Variants in WDPCP observed in about 807,000 individuals in gnomAD.
WDPCP encodes WD repeat containing planar cell polarity effector.
A neutral mutation model predicts 93.1 loss-of-function variants in WDPCP; 71 were observed. The observed-to-expected ratio is 0.76, with a 90% CI of 0.63 to 0.93. The LOEUF (loss-of-function observed/expected upper bound fraction) is 0.93. Ranked by LOEUF, WDPCP falls within the 40% of genes least tolerant of loss-of-function variation. The pLI, the probability that WDPCP is intolerant of heterozygous loss-of-function variation, is 0.00. For missense variants in WDPCP, 844 were observed against 887.4 expected, an observed-to-expected ratio of 0.95 and a Z score of 0.62; for synonymous variants, 315 against 315.0, an observed-to-expected ratio of 1.00 and a Z score of 0.00.
intron 3 of WDPCP, among the ~76,000 whole-genome samples, chr2:63,595,742 T>A (rs1467560591): frequency 3.3e-5 from 5 of 152,064 alleles, no homozygotes; most frequent in African/African-American, 1.2e-4. Context: ...TTTTCCCCAA[T>A]GTGTGTGTGT....
intron 2 of WDPCP, among the ~76,000 whole-genome samples, chr2:63,687,479 C>T (rs1296633321): frequency 6.6e-6 from 1 of 151,982 alleles, no homozygotes; most frequent in African/African-American, 2.4e-5. Flanking sequence ...TCAAACAACT[C>T]AATAGGAAAA....
chr2:63,814,627 C>G (rs1670905621), intron 1 of WDPCP, among the ~76,000 whole-genome samples: 1 of 152,190 alleles, frequency 6.6e-6, no homozygotes, highest in African/African-American at 2.4e-5. Flanking sequence ...TGGAAGATAT[C>G]TTAGAAATCC....
chr2:63,605,864 G>C, intron 3 of WDPCP: 1 of 1,208,446 alleles, frequency 8.3e-7, no homozygotes, highest in Non-Finnish European at 1.2e-6. Context: ...AGGGTCACCT[G>C]GTTTAATTTT....
rs539918548 is a variant in WDPCP, at chr2:63,526,323, C to T, written c.76-33383G>A. 3.3e-5 allele frequency among the ~76,000 whole-genome samples: 5 copies of T among 152,150 alleles called. 1 individual carries two copies. Among genetic ancestry groups the T allele is most frequent in the African/African-American group, 7.2e-5 (3 of 41,528 alleles). ...CTCACAATTTTTGATGGCACTATTT[C>T]GTGTTGTCCAACACTATTATGGGTA... On this transcript the variant is annotated intron_variant, in intron 1 of 17. Coordinates refer to ENST00000272321, the MANE Select transcript of WDPCP (RefSeq NM_015910.7).
chr2:63,259,276 A>G (rs769488716), intron 14 of WDPCP, 31 bp downstream of exon 14: 85 of 1,549,978 alleles, frequency 5.5e-5, no homozygotes, highest in South Asian at 3.7e-4. Context: ...GATTAAAATA[A>G]AAAGCACTTA....
intron 2 of WDPCP, among the ~76,000 whole-genome samples, chr2:63,668,483 C>T (rs1348803): frequency 0.81 from 123,861 of 152,250 alleles, 50,972 homozygotes; most frequent in East Asian, 0.98. Context: ...CCAAAAGAAC[C>T]GTCTACCCCA....
At chr2:63,559,709 A>C (rs942287836) in intron 1 of WDPCP, among the ~76,000 whole-genome samples, 3 of 152,126 alleles carry the variant, frequency 2.0e-5, no homozygotes, top group African/African-American at 7.2e-5. Flanking sequence ...AGGAATATTT[A>C]ACATAATGGT....
chr2:63,210,875 G>T (rs1037314547), intron 14 of WDPCP, among the ~76,000 whole-genome samples: 1 of 152,216 alleles, frequency 6.6e-6, no homozygotes, highest in Non-Finnish European at 1.5e-5. Flanking sequence ...AGCAGTCTGA[G>T]ATCAAACTGC....
intron 17 of WDPCP, among the ~76,000 whole-genome samples, chr2:63,138,109 C>G (rs1392293506): frequency 8.5e-6 from 1 of 117,422 alleles, no homozygotes; most frequent in Non-Finnish European, 1.7e-5. Flanking sequence ...GTTTATTTAA[C>G]ACTCCTCTGT....
intron 2 of WDPCP, among the ~76,000 whole-genome samples, chr2:63,696,775 A>G (rs2103689429): frequency 6.6e-6 from 1 of 152,374 alleles, no homozygotes; most frequent in Middle Eastern, 3.4e-3. Context: ...TCAGTTTGGC[A>G]AGGACCACCA....
intron 17 of WDPCP, among the ~76,000 whole-genome samples, chr2:63,137,639 TC>T (rs199884636): frequency 0.011 from 1,746 of 152,330 alleles, 31 homozygotes; most frequent in African/African-American, 0.041. Flanking sequence ...CATGCCTGTG[TC>T]CTGAATGGTA....
intron 10 of WDPCP, among the ~76,000 whole-genome samples, chr2:63,400,343 A>T (rs556734726): frequency 6.6e-6 from 1 of 152,324 alleles, no homozygotes; most frequent in African/African-American, 2.4e-5. Context: ...ATCCTGGAAG[A>T]CAACTAGGCA....
At chr2:63,412,262 G>A (rs1020942249) in intron 9 of WDPCP, among the ~76,000 whole-genome samples, 5 of 152,072 alleles carry the variant, frequency 3.3e-5, no homozygotes, top group Non-Finnish European at 7.4e-5. Flanking sequence ...CACATAAACA[G>A]AATTAAAAAC....
chr2:63,257,001 T>C (rs763630288), intron 14 of WDPCP, among the ~76,000 whole-genome samples: 3 of 152,186 alleles, frequency 2.0e-5, no homozygotes, highest in Non-Finnish European at 4.4e-5. Flanking sequence ...TACAAGGATG[T>C]GTTCACTTTG....
At chr2:63,583,613 G>A in intron 1 of WDPCP, among the ~76,000 whole-genome samples, 1 of 151,460 alleles carries the variant, frequency 6.6e-6, no homozygotes, top group Non-Finnish European at 1.5e-5. Flanking sequence ...CCCAGGAAGT[G>A]GAGCTTGCAG....
chr2:63,186,857 GTC>G (rs1674680354), intron 14 of WDPCP, among the ~76,000 whole-genome samples: 1 of 149,906 alleles, frequency 6.7e-6, no homozygotes, highest in Admixed American at 6.6e-5. Context: ...TGCTAAAAGA[GTC>G]TCTGATCTGC....
At chr2:63,731,655 AT>A (rs1669563045) in intron 2 of WDPCP, among the ~76,000 whole-genome samples, 1 of 152,224 alleles carries the variant, frequency 6.6e-6, no homozygotes, top group Non-Finnish European at 1.5e-5. Context: ...TATTTAACAA[AT>A]TTTTGCTGGA....
chr2:63,500,520 ATT>A (rs1161739318), intron 1 of WDPCP, among the ~76,000 whole-genome samples: 1 of 150,702 alleles, frequency 6.6e-6, no homozygotes, highest in Non-Finnish European at 1.5e-5. Flanking sequence ...TTGGTTCTGA[ATT>A]TTAATGCAGA....
At chr2:63,188,641 T>G (rs562248631) in intron 14 of WDPCP, among the ~76,000 whole-genome samples, 28 of 152,080 alleles carry the variant, frequency 1.8e-4, no homozygotes, top group African/African-American at 6.8e-4. Flanking sequence ...GCTTTATAAT[T>G]TTTTGAAAAT....
Sources: gnomAD v4.1 joint callset for allele counts (sites outside exome capture counted in the v4.1 genomes callset) on GRCh38, gnomAD v4.1.1 for gene constraint, MANE v1.5 for transcripts, NCBI Gene and HGNC (gene_info 2026-07-23, HGNC 2026-07-21) for gene names.